SLC2A12: variants seen among roughly 807,000 people sequenced by gnomAD.
SLC2A12 encodes solute carrier family 2 member 12, also known as solute carrier family 2, facilitated glucose transporter member 12.
In SLC2A12, 23 loss-of-function variants were observed where a neutral mutation model predicts 41.8. That is an observed-to-expected ratio of 0.55 (90% CI 0.40 to 0.78). The LOEUF (loss-of-function observed/expected upper bound fraction) is 0.78, where lower values mean the gene tolerates loss of function less well. SLC2A12 is among the 30% of genes least tolerant of loss of function. SLC2A12 has a pLI of 0.00. For synonymous variants in SLC2A12, 295 were observed against 285.9 expected (o/e 1.03, Z -0.32); for missense variants, 654 against 745.6 (o/e 0.88, Z 1.43).
chr6:134,024,270 G>GTT (rs1226339275), intron 2 of SLC2A12, among the ~76,000 whole-genome samples: 2 of 152,220 alleles, frequency 1.3e-5, no homozygotes, highest in Non-Finnish European at 2.9e-5. Context: ...ACCGGATTCA[G>GTT]TGAGTCGTCT....
chr6:134,039,381 G>A (rs1777349850), intron 1 of SLC2A12, among the ~76,000 whole-genome samples: 1 of 152,118 alleles, frequency 6.6e-6, no homozygotes, highest in Admixed American at 6.6e-5. Context: ...ATCAGATGTG[G>A]TTTACATCTT....
chr6:134,044,496 T>G (rs1181969417), intron 1 of SLC2A12, among the ~76,000 whole-genome samples: 1 of 152,046 alleles, frequency 6.6e-6, no homozygotes, highest in Non-Finnish European at 1.5e-5. Flanking sequence ...GGTGGATCAC[T>G]TGAGGTCAGG....
intron 2 of SLC2A12, among the ~76,000 whole-genome samples, chr6:134,019,525 A>G (rs1450967707): frequency 2.6e-5 from 4 of 152,226 alleles, no homozygotes; most frequent in Non-Finnish European, 4.4e-5. Flanking sequence ...GATTTTGAAC[A>G]TATTTGAAGT....
At chr6:133,995,045 G>T (rs1776670148) in intron 4 of SLC2A12, among the ~76,000 whole-genome samples, 1 of 152,152 alleles carries the variant, frequency 6.6e-6, no homozygotes, top group Admixed American at 6.6e-5. Flanking sequence ...GAGCGGAGTG[G>T]CCATAACAGT....
intron 3 of SLC2A12, among the ~76,000 whole-genome samples, chr6:134,004,161 C>A (rs926092365): frequency 6.6e-6 from 1 of 152,144 alleles, no homozygotes; most frequent in African/African-American, 2.4e-5. Context: ...TCTTTTCCAT[C>A]CCTCATCAAT....
intron 1 of SLC2A12, among the ~76,000 whole-genome samples, chr6:134,036,737 G>T (rs1777306024): frequency 6.6e-6 from 1 of 152,162 alleles, no homozygotes; most frequent in Admixed American, 6.5e-5. Flanking sequence ...TTATATAATG[G>T]TTAGCATCTA....
chr6:134,029,358 G>A lies in SLC2A12; in HGVS notation c.467C>T (p.Ala156Val). Residue 156 changes from alanine (A) to valine (V), a missense_variant, in exon 2 of 5, where the codon GCA becomes GTA. Physicochemically the swap from Ala to Val is moderately conservative, Grantham distance 64. Transcript: ENST00000275230. ...TCTTCTGTGTTGAGGAGCAATCTCT[G>A]CGATGTAAACACAAGTGGCAATGGA... ...LSSIATCVYI[A>V]EIAPQHRRGL... is the part of the protein sequence containing the mutation. The A allele has an allele frequency of 1.2e-6, 2 of 1,614,150 alleles. No individual in the cohort carries two copies. The highest frequency in any genetic ancestry group is 2.2e-5 in the East Asian group (1 of 44,878).
Position 134,036,634 on chromosome 6 carries a change from T to C in SLC2A12, c.104-6913A>G, listed in dbSNP as rs1426952086. Among the ~76,000 whole-genome samples the C allele has an allele frequency of 3.3e-5, 5 of 152,156 alleles. No homozygotes were observed. The East Asian group carries it at 9.6e-4, about 29-fold the overall frequency. ...AAATACTCAATGTTTGTCGAGTGAA[T>C]GAATGAATGAATGAAAACAACACTC... On this transcript the variant is annotated intron_variant, in intron 1 of 4. Transcript: ENST00000275230.
chr6:134,029,092 CTG>C lies in SLC2A12; in HGVS notation c.731_732del (p.Ser244Ter). ...ATCACAGTGAGTTCCTCAGTTGTAT[CTG>C]AGAGTGCTCTTAACCTTCCAAGAAC... is the stretch of plus-strand genomic sequence containing the variant. Reference protein sequence around the residue: ...SKVLGRLRALSDTTEELTVIK... With the variant: ...SKVLGRLRALXDTTEELTVIK... On this transcript the variant is annotated frameshift_variant, in exon 2 of 5. Transcript: ENST00000275230. LOFTEE classifies it high-confidence loss of function. 1 of 1,614,204 alleles carries C rather than the reference CTG, an allele frequency of 6.2e-7. No homozygotes were observed. The highest frequency in any genetic ancestry group is 8.5e-7 in the Non-Finnish European group (1 of 1,180,040).
At chr6:134,014,718 A>G (rs184427669) in intron 2 of SLC2A12, among the ~76,000 whole-genome samples, 113 of 152,328 alleles carry the variant, frequency 7.4e-4, no homozygotes, top group African/African-American at 2.4e-3. Context: ...AACATCTTTT[A>G]CAGTCCAATA....
chr6:134,038,518 C>T (rs750860448), intron 1 of SLC2A12, among the ~76,000 whole-genome samples: 1 of 150,596 alleles, frequency 6.6e-6, no homozygotes, highest in African/African-American at 2.4e-5. Context: ...TGGGCCACCA[C>T]ACCCCCTATT....
Position 134,023,453 on chromosome 6 carries a change from T to C in SLC2A12, c.1444+4928A>G, listed in dbSNP as rs142172736. 7.9e-5 allele frequency among the ~76,000 whole-genome samples: 12 copies of C among 152,230 alleles called. No homozygotes were observed. In the East Asian group the frequency reaches 2.3e-3, roughly 29 times the overall value. On this transcript the variant is annotated intron_variant, in intron 2 of 4. Transcript: ENST00000275230. ...AACCCTGGTACAAGAGGAAAAGGAA[T>C]TCAGCTTTGGGGTTGTTGTGTTTGG...
intron 4 of SLC2A12, among the ~76,000 whole-genome samples, chr6:134,000,094 C>T (rs1179429101): frequency 2.6e-5 from 4 of 152,088 alleles, no homozygotes; most frequent in African/African-American, 4.8e-5. Flanking sequence ...CCAGGCAATG[C>T]GTTAGTTAGT....
At chr6:134,035,586 C>A (rs1054627050) in intron 1 of SLC2A12, among the ~76,000 whole-genome samples, 7 of 152,216 alleles carry the variant, frequency 4.6e-5, no homozygotes, top group Admixed American at 3.9e-4. Flanking sequence ...TTTAGATCTT[C>A]ATTTTGAAAG....
At chr6:134,031,416 AAAC>A (rs1346446775) in intron 1 of SLC2A12, among the ~76,000 whole-genome samples, 1 of 112,114 alleles carries the variant, frequency 8.9e-6, no homozygotes, top group Non-Finnish European at 1.9e-5. Flanking sequence ...AACAAAAAAC[AAAC>A]AACAAACAAA....
chr6:134,039,342 C>T (rs934843223), intron 1 of SLC2A12, among the ~76,000 whole-genome samples: 2 of 152,200 alleles, frequency 1.3e-5, no homozygotes, highest in East Asian at 3.8e-4. Flanking sequence ...TCTCAGCAAG[C>T]TCTATCTTCA....
Position 134,029,456 on chromosome 6 carries a change from G to T in SLC2A12, c.369C>A (p.Val123=). ...SSCLLGLGSL[V]LILSLSYTVL... ...CCGTGTAGGATAAACTGAGGATCAA[G>T]ACTAAGCTTCCGAGTCCAAGCAGGC... Residue 123 remains valine (V), a synonymous_variant, in exon 2 of 5, where the codon GTC becomes GTA. Coordinates refer to ENST00000275230, the MANE Select transcript of SLC2A12 (RefSeq NM_145176.3). 6.2e-7 allele frequency: 1 copy of T among 1,614,148 alleles called. No individual in the cohort carries two copies.
At chr6:134,027,586 T>C (rs914165039) in intron 2 of SLC2A12, among the ~76,000 whole-genome samples, 1 of 152,090 alleles carries the variant, frequency 6.6e-6, no homozygotes, top group Admixed American at 6.5e-5. Flanking sequence ...CTTTTTTTTC[T>C]AGTGAGGCGT....
chr6:134,029,062 A>G lies in SLC2A12; in HGVS notation c.763T>C (p.Ser255Pro), dbSNP rs146036213. 6.2e-7 allele frequency: 1 copy of G among 1,614,154 alleles called. No individual in the cohort carries two copies. Among genetic ancestry groups the G allele is most frequent in the East Asian group, 2.2e-5 (1 of 44,884 alleles). Residue 255 changes from serine (S) to proline (P), a missense_variant, in exon 2 of 5, where the codon TCC becomes CCC. Physicochemically the swap from Ser to Pro is moderately conservative, Grantham distance 74. This residue lies in a region of SLC2A12 where 411 missense variants were observed against 412.1 expected (regional missense o/e 1.00). Transcript: ENST00000275230. ...TACTGATATTCATCTTTCAGGGAGG[A>G]TTTGATCACAGTGAGTTCCTCAGTT... ...DTTEELTVIK[S>P]SLKDEYQYSF...
Sources: gnomAD v4.1 joint callset for allele counts (sites outside exome capture counted in the v4.1 genomes callset) on GRCh38, gnomAD v4.1.1 for gene constraint, gnomAD v4.1.1 regional missense constraint, MANE v1.5 for transcripts, NCBI Gene and HGNC (gene_info 2026-07-23, HGNC 2026-07-21) for gene names.